Variants in SRBD1 observed in about 807,000 individuals in gnomAD.
SRBD1 encodes the protein S1 RNA binding domain 1.
SRBD1 carries 88 observed loss-of-function variants against 115.3 expected under a neutral mutation model. That is an observed-to-expected ratio of 0.76 (90% CI 0.64 to 0.91). The LOEUF is 0.91. Ranked by LOEUF, SRBD1 falls within the 40% of genes least tolerant of loss-of-function variation. The pLI, the probability that SRBD1 is intolerant of heterozygous loss-of-function variation, is 0.00. For missense variants in SRBD1, 1,385 were observed against 1,177.4 expected (o/e 1.18, Z -2.58); for synonymous variants, 509 against 407.7 (o/e 1.25, Z -2.99).
At chr2:45,525,976 A>G (rs1460748370) in intron 14 of SRBD1, among the ~76,000 whole-genome samples, 1 of 152,046 alleles carries the variant, frequency 6.6e-6, no homozygotes. Context: ...TAACCATGGC[A>G]GGTTGTAGAT....
chr2:45,556,217 G>C (rs1672471189), intron 10 of SRBD1, among the ~76,000 whole-genome samples: 1 of 152,056 alleles, frequency 6.6e-6, no homozygotes, highest in African/African-American at 2.4e-5. Flanking sequence ...TTGCCTGAAG[G>C]AATTAGGGAT....
At chr2:45,565,434 C>T (rs1374839328) in intron 9 of SRBD1, among the ~76,000 whole-genome samples, 1 of 152,128 alleles carries the variant, frequency 6.6e-6, no homozygotes, top group Non-Finnish European at 1.5e-5. Flanking sequence ...TGCAAAAGAA[C>T]AAAAGTGGAC....
chr2:45,598,253 G>C (rs1459016721), intron 4 of SRBD1, among the ~76,000 whole-genome samples: 1 of 152,184 alleles, frequency 6.6e-6, no homozygotes, highest in Non-Finnish European at 1.5e-5. Flanking sequence ...AACAAGGTAA[G>C]AGGAAAAGCT....
intron 14 of SRBD1, among the ~76,000 whole-genome samples, chr2:45,503,494 T>C (rs1243151424): frequency 6.6e-6 from 1 of 152,218 alleles, no homozygotes; most frequent in African/African-American, 2.4e-5. Flanking sequence ...GCATATTATC[T>C]TAAAAATACA....
chr2:45,389,330 C>T lies in SRBD1; in HGVS notation c.2968G>A (p.Asp990Asn). The T allele has an allele frequency of 6.2e-7, 1 of 1,613,866 alleles. No homozygotes were observed. The highest frequency in any genetic ancestry group is 8.5e-7 in the Non-Finnish European group (1 of 1,179,890). Residue 990 changes from aspartate to asparagine, a missense_variant, in exon 21 of 21, where the codon GAC becomes AAC. By Grantham distance (23) the Asp-to-Asn change is conservative. Coordinates refer to ENST00000263736, the MANE Select transcript of SRBD1 (RefSeq NM_018079.5). ...IDIPRSRITL[D>N]LIRVL ...GATACTCATAACACCCGAATGAGGT[C>T]CAGAGTAATCCTAGATCGGGGGATG...
At chr2:45,494,978 G>A (rs889375015) in intron 14 of SRBD1, among the ~76,000 whole-genome samples, 1 of 152,024 alleles carries the variant, frequency 6.6e-6, no homozygotes, top group Admixed American at 6.6e-5. Flanking sequence ...ATTTTCCACA[G>A]AGAACAACTC....
In SRBD1 at chr2:45,562,645, A is replaced by C. The variant is rs1171144621; in HGVS notation, c.1409+8T>G. 2 of 1,589,992 alleles carry C rather than the reference A, an allele frequency of 1.3e-6. No homozygotes were observed. The highest frequency in any genetic ancestry group is 2.2e-5 in the East Asian group (1 of 44,504). On this transcript the variant is annotated splice_region_variant and intron_variant, in intron 10 of 20. Coordinates refer to ENST00000263736, the MANE Select transcript of SRBD1 (RefSeq NM_018079.5). ...CAAAGAAAATTCTGTAAATATCTGT[A>C]AACAGACCTGTTTTGGATGCACCAC...
intron 17 of SRBD1, among the ~76,000 whole-genome samples, 185 bp downstream of exon 17, chr2:45,419,603 G>C (rs1286765720): frequency 6.6e-6 from 1 of 152,230 alleles, no homozygotes; most frequent in Non-Finnish European, 1.5e-5. Flanking sequence ...AAATGATAAT[G>C]TGAATTGTTA....
chr2:45,575,241 G>A (rs1408014067), intron 7 of SRBD1, among the ~76,000 whole-genome samples: 1 of 152,164 alleles, frequency 6.6e-6, no homozygotes, highest in Non-Finnish European at 1.5e-5. Flanking sequence ...CGACCCATTT[G>A]AATTTCACAA....
intron 14 of SRBD1, among the ~76,000 whole-genome samples, chr2:45,543,830 G>A (rs908744093): frequency 6.6e-6 from 1 of 152,016 alleles, no homozygotes; most frequent in Non-Finnish European, 1.5e-5. Context: ...CTGCAAAAAT[G>A]GTTCAACTGT....
intron 14 of SRBD1, among the ~76,000 whole-genome samples, chr2:45,515,984 G>A (rs187188570): frequency 1.6e-3 from 249 of 152,224 alleles, no homozygotes; most frequent in Non-Finnish European, 2.9e-3. Context: ...AGCAGCCCCT[G>A]CCTTGCCCTC....
intron 14 of SRBD1, among the ~76,000 whole-genome samples, chr2:45,510,408 T>C (rs1670931437): frequency 6.6e-6 from 1 of 152,216 alleles, no homozygotes; most frequent in African/African-American, 2.4e-5. Flanking sequence ...AAATTTATTG[T>C]CCTTCTGGAA....
chr2:45,510,121 T>C (rs779628548), intron 14 of SRBD1, among the ~76,000 whole-genome samples: 1 of 152,252 alleles, frequency 6.6e-6, no homozygotes, highest in Non-Finnish European at 1.5e-5. Flanking sequence ...ATTTCTAAGA[T>C]AATTTTTCAG....
chr2:45,427,042 A>C (rs1399421512), intron 16 of SRBD1, among the ~76,000 whole-genome samples: 1 of 152,230 alleles, frequency 6.6e-6, no homozygotes, highest in African/African-American at 2.4e-5. Context: ...GTGGGTAATA[A>C]CAAACTACTC....
intron 9 of SRBD1, among the ~76,000 whole-genome samples, chr2:45,566,961 G>T (rs1205700800): frequency 6.6e-6 from 1 of 152,014 alleles, no homozygotes; most frequent in African/African-American, 2.4e-5. Flanking sequence ...TCCCTTTACA[G>T]GACACAAACT....
rs540308214 is a variant in SRBD1 at position 45,389,036 on chromosome 2, C to CA, written c.*273dup. ...TGCAAAAGGAGTTAAAGATAAATTA[C>CA]AAAAAATAAAAAACAAAATTTTAGT... On this transcript the variant is annotated 3_prime_UTR_variant, in exon 21 of 21. Transcript: ENST00000263736. The CA allele has an allele frequency of 3.2e-5, 12 of 370,484 alleles. No homozygotes were observed. Among genetic ancestry groups the CA allele is most frequent in the Non-Finnish European group, 5.3e-5 (11 of 208,110 alleles). The allele number at this position is 370,484 out of a possible 1,614,324, so 22.9% of individuals were successfully genotyped here.
chr2:45,507,051 T>C (rs191853733), intron 14 of SRBD1, among the ~76,000 whole-genome samples: 11 of 152,338 alleles, frequency 7.2e-5, no homozygotes, highest in Middle Eastern at 3.4e-3. Flanking sequence ...GTGCTCATGT[T>C]TGGCGTATAG....
chr2:45,545,788 C>G (rs1216431485), intron 14 of SRBD1, among the ~76,000 whole-genome samples: 1 of 152,158 alleles, frequency 6.6e-6, no homozygotes, highest in Admixed American at 6.5e-5. Context: ...CCCTTGTTAC[C>G]CTGAGTTTGT....
At chr2:45,592,886 G>T (rs984071226) in intron 4 of SRBD1, among the ~76,000 whole-genome samples, 4 of 152,114 alleles carry the variant, frequency 2.6e-5, no homozygotes, top group African/African-American at 9.7e-5. Flanking sequence ...GAAACTCTGG[G>T]GTGGGGGTTT....
Sources: allele counts gnomAD v4.1 joint callset (sites outside exome capture counted in the v4.1 genomes callset), GRCh38; gene constraint gnomAD v4.1.1; transcripts MANE v1.5; gene names NCBI Gene and HGNC (gene_info 2026-07-23, HGNC 2026-07-21).